PHKB: variants seen among roughly 807,000 people sequenced by gnomAD.
The protein encoded by PHKB is phosphorylase kinase regulatory subunit beta, also known as phosphorylase b kinase regulatory subunit beta.
In PHKB, 122 loss-of-function variants were observed where a neutral mutation model predicts 152.1. That is an observed-to-expected ratio of 0.80 (90% CI 0.69 to 0.93). PHKB has a LOEUF of 0.93. Ranked by LOEUF, PHKB falls within the 40% of genes least tolerant of loss-of-function variation. The pLI, the probability that PHKB is intolerant of heterozygous loss-of-function variation, is 0.00. For missense variants in PHKB, 1,304 were observed against 1,328.4 expected (o/e 0.98, Z 0.29); for synonymous variants, 436 against 464.9 (o/e 0.94, Z 0.80).
At chr16:47,516,594 C>A (rs1490180900) in intron 6 of PHKB, among the ~76,000 whole-genome samples, 1 of 152,098 alleles carries the variant, frequency 6.6e-6, no homozygotes, top group African/African-American at 2.4e-5. Flanking sequence ...GTGATCCATG[C>A]AAGGGAGAAC....
chr16:47,532,070 C>T (rs1422885311), intron 6 of PHKB, among the ~76,000 whole-genome samples: 1 of 151,922 alleles, frequency 6.6e-6, no homozygotes, highest in Admixed American at 6.6e-5. Context: ...TTTAAAAAAC[C>T]CTCAATTTAA....
chr16:47,607,249 C>T (rs1038241523), intron 13 of PHKB, among the ~76,000 whole-genome samples: 2 of 152,082 alleles, frequency 1.3e-5, no homozygotes, highest in Admixed American at 6.5e-5. Context: ...GTGCAACCAT[C>T]ACTGCCATCA....
chr16:47,671,070 G>A (rs946340605), intron 26 of PHKB, among the ~76,000 whole-genome samples: 1 of 152,066 alleles, frequency 6.6e-6, no homozygotes, highest in African/African-American at 2.4e-5. Context: ...CTTCTAATCT[G>A]TAAATACTTA....
intron 26 of PHKB, among the ~76,000 whole-genome samples, chr16:47,678,395 A>G (rs1294149323): frequency 6.6e-6 from 1 of 152,120 alleles, no homozygotes; most frequent in African/African-American, 2.4e-5. Context: ...AACAGTGTAA[A>G]AGTGTTCCTC....
At chr16:47,518,222 T>G (rs908262794) in intron 6 of PHKB, among the ~76,000 whole-genome samples, 1 of 152,200 alleles carries the variant, frequency 6.6e-6, no homozygotes, top group African/African-American at 2.4e-5. Flanking sequence ...CCCTAATGCT[T>G]CTTTTTCTTA....
At chr16:47,682,884 T>A (rs1973888925) in intron 26 of PHKB, among the ~76,000 whole-genome samples, 1 of 152,170 alleles carries the variant, frequency 6.6e-6, no homozygotes, top group Non-Finnish European at 1.5e-5. Flanking sequence ...TTTTTCCCCA[T>A]CTTTGTGGTT....
At chr16:47,595,790 C>T (rs1212611715) in intron 12 of PHKB, among the ~76,000 whole-genome samples, 3 of 152,176 alleles carry the variant, frequency 2.0e-5, no homozygotes, top group African/African-American at 7.2e-5. Context: ...TTAGCCAAAG[C>T]ATAACAATCT....
At chr16:47,588,838 T>C in intron 9 of PHKB, 67 bp from the exon 10 acceptor site, 1 of 1,360,662 alleles carries the variant, frequency 7.3e-7, no homozygotes, top group South Asian at 1.2e-5. Flanking sequence ...ATCTCTATCA[T>C]TCTCCTTGGG....
At chr16:47,638,884 A>T (rs1371216285) in intron 14 of PHKB, among the ~76,000 whole-genome samples, 1 of 152,222 alleles carries the variant, frequency 6.6e-6, no homozygotes, top group East Asian at 1.9e-4. Context: ...ATAAGCAGAA[A>T]TTATTACAAT....
At chr16:47,624,983 C>G (rs1012199881) in intron 14 of PHKB, among the ~76,000 whole-genome samples, 1 of 152,236 alleles carries the variant, frequency 6.6e-6, no homozygotes, top group East Asian at 1.9e-4. Flanking sequence ...CCTTTAAACC[C>G]TGTAAAAGCA....
At chr16:47,627,673 A>G (rs1012499951) in intron 14 of PHKB, among the ~76,000 whole-genome samples, 2 of 152,262 alleles carry the variant, frequency 1.3e-5, no homozygotes, top group African/African-American at 2.4e-5. Flanking sequence ...TCCCAGGCCA[A>G]GTTGACTCTT....
chr16:47,497,968 T>C (rs1970261559), intron 2 of PHKB, among the ~76,000 whole-genome samples: 1 of 152,198 alleles, frequency 6.6e-6, no homozygotes, highest in South Asian at 2.1e-4. Flanking sequence ...AGGACCAGCC[T>C]TGCAAATTTT....
intron 26 of PHKB, among the ~76,000 whole-genome samples, chr16:47,680,500 G>A (rs1473225887): frequency 6.6e-6 from 1 of 152,054 alleles, no homozygotes; most frequent in African/African-American, 2.4e-5. Context: ...GTCTTGGGAG[G>A]GTGTATGTGT....
chr16:47,550,836 C>T (rs1234821996), intron 7 of PHKB, among the ~76,000 whole-genome samples: 5 of 152,110 alleles, frequency 3.3e-5, no homozygotes, highest in East Asian at 1.9e-4. Flanking sequence ...GGTGTGAGTC[C>T]GTCTGGTCCT....
Position 47,515,508 on chromosome 16 carries a change from C to A in PHKB, c.514-13C>A. On this transcript the variant is annotated splice_polypyrimidine_tract_variant and intron_variant, in intron 5 of 30. Transcript: ENST00000323584. ...TGTTTCCTTTAACCTTTTAATGTTT[C>A]TGTTTGTTGCAGATAAATGCAGTGT... 1 of 1,225,312 alleles carries A rather than the reference C, an allele frequency of 8.2e-7. No individual in the cohort carries two copies. Among genetic ancestry groups the A allele is most frequent in the Non-Finnish European group, 1.2e-6 (1 of 825,812 alleles). The allele number at this position is 1,225,312 out of a possible 1,614,324, so 75.9% of individuals were successfully genotyped here.
intron 5 of PHKB, among the ~76,000 whole-genome samples, chr16:47,512,928 G>A (rs555856757): frequency 2.0e-5 from 3 of 152,138 alleles, no homozygotes; most frequent in Non-Finnish European, 4.4e-5. Flanking sequence ...AGAAAGTGTG[G>A]TGCTCTCATT....
At chr16:47,541,229 G>A (rs1163117367) in intron 6 of PHKB, among the ~76,000 whole-genome samples, 1 of 152,138 alleles carries the variant, frequency 6.6e-6, no homozygotes, top group Non-Finnish European at 1.5e-5. Flanking sequence ...TCGCACCTAT[G>A]AGTGAGAACA....
intron 24 of PHKB, 111 bp downstream of exon 24, chr16:47,663,845 T>C: frequency 1.3e-6 from 1 of 759,402 alleles, no homozygotes; most frequent in South Asian, 1.5e-5. Context: ...TTTTTACTTT[T>C]AACCTCCAAG....
At position 47,699,170 on chromosome 16, in the gene PHKB, A is replaced by G. The variant is rs775554700; in HGVS notation, c.3145-59A>G. On this transcript the variant is annotated intron_variant, in intron 30 of 30. Coordinates refer to ENST00000323584, the MANE Select transcript of PHKB (RefSeq NM_000293.3). ...TTCCCCCTAAGCTGACACAGATTTT[A>G]CCTGTCAACTCTTTACAAACAGAAG... 2.0e-6 allele frequency: 3 copies of G among 1,530,036 alleles called. No individual in the cohort carries two copies. In the East Asian group the frequency reaches 6.8e-5, roughly 34 times the overall value. 94.8% of individuals were successfully genotyped at this position (1,530,036 alleles called of 1,614,324 possible).
Sources: allele counts gnomAD v4.1 joint callset (sites outside exome capture counted in the v4.1 genomes callset), GRCh38; gene constraint gnomAD v4.1.1; transcripts MANE v1.5; gene names NCBI Gene and HGNC (gene_info 2026-07-23, HGNC 2026-07-21).